Variants in NSUN6 observed in about 807,000 individuals in gnomAD.
NSUN6 encodes tRNA (cytosine(72)-C(5))-methyltransferase NSUN6.
A neutral mutation model predicts 58.0 loss-of-function variants in NSUN6; 64 were observed. The observed-to-expected ratio is 1.10, with a 90% confidence interval of 0.90 to 1.36. NSUN6 has a LOEUF of 1.36. Among genes scored for constraint, NSUN6 ranks in the 40% most tolerant of loss-of-function variants. NSUN6 has a pLI of 0.00. For missense variants in NSUN6, 701 were observed against 550.1 expected (o/e 1.27, Z -2.74); for synonymous variants, 231 against 193.9 (o/e 1.19, Z -1.59).
At chr10:18,631,075 C>G (rs2059013751) in intron 3 of NSUN6, among the ~76,000 whole-genome samples, 1 of 152,100 alleles carries the variant, frequency 6.6e-6, no homozygotes. Context: ...GGGCTTCATC[C>G]CTGGGATGCA....
At chr10:18,626,007 G>T (rs1473828108) in intron 3 of NSUN6, among the ~76,000 whole-genome samples, 3 of 152,000 alleles carry the variant, frequency 2.0e-5, no homozygotes, top group Non-Finnish European at 4.4e-5. Flanking sequence ...AAACAAAAAG[G>T]CAACAGGCAG....
chr10:18,605,484 T>C (rs1204581887), intron 6 of NSUN6, among the ~76,000 whole-genome samples: 1 of 152,090 alleles, frequency 6.6e-6, no homozygotes, highest in African/African-American at 2.4e-5. Flanking sequence ...CAGGCAAAAA[T>C]CATCAATGGA....
At chr10:18,596,488 ATT>A (rs1193538845) in intron 6 of NSUN6, among the ~76,000 whole-genome samples, 161 bp from the exon 7 acceptor site, 1 of 152,182 alleles carries the variant, frequency 6.6e-6, no homozygotes, top group Non-Finnish European at 1.5e-5. Flanking sequence ...GAAATTCACA[ATT>A]TCCTAGAATA....
At chr10:18,548,275 A>T (rs1425601806) in intron 9 of NSUN6, 38 bp from the exon 10 acceptor site, 2 of 1,556,656 alleles carry the variant, frequency 1.3e-6, no homozygotes, top group Non-Finnish European at 1.7e-6. Context: ...ACAGCACAAG[A>T]CCAGATAAAC....
intron 2 of NSUN6, among the ~76,000 whole-genome samples, chr10:18,646,914 C>A (rs1183269727): frequency 6.6e-6 from 1 of 152,158 alleles, no homozygotes; most frequent in Non-Finnish European, 1.5e-5. Context: ...TAGCTGAAAA[C>A]ATACACATGG....
rs895998847 is a variant in NSUN6 at position 18,629,242 on chromosome 10, C to T, written c.312-12949G>A. ...CACCACCAGGCCTGCCCTAAAAGAGCTCCTGAAGGAAGCACTAAACATGGA... is the reference window on the plus strand; with the variant it reads ...CACCACCAGGCCTGCCCTAAAAGAGTTCCTGAAGGAAGCACTAAACATGGA... On this transcript the variant is annotated intron_variant, in intron 3 of 10. Coordinates refer to ENST00000377304, the MANE Select transcript of NSUN6 (RefSeq NM_182543.5). Among the ~76,000 whole-genome samples the T allele has an allele frequency of 7.2e-4, 110 of 152,260 alleles. 1 individual carries two copies. Among genetic ancestry groups the T allele is most frequent in the African/African-American group, 2.6e-3 (109 of 41,544 alleles).
At chr10:18,560,204 G>T (rs2055387341) in intron 8 of NSUN6, among the ~76,000 whole-genome samples, 1 of 150,368 alleles carries the variant, frequency 6.7e-6, no homozygotes, top group Non-Finnish European at 1.5e-5. Context: ...AAAATGGAAT[G>T]GAATGGAGAA....
At chr10:18,598,063 G>T (rs1209332371) in intron 6 of NSUN6, among the ~76,000 whole-genome samples, 2 of 152,184 alleles carry the variant, frequency 1.3e-5, no homozygotes, top group Non-Finnish European at 2.9e-5. Flanking sequence ...CAAAAGAAGT[G>T]AAATTAGCTT....
chr10:18,615,365 G>A (rs541949385), intron 4 of NSUN6, among the ~76,000 whole-genome samples: 5 of 152,174 alleles, frequency 3.3e-5, no homozygotes, highest in African/African-American at 1.2e-4. Context: ...CAACAATAGC[G>A]AACAGCCTAT....
Position 18,586,076 on chromosome 10 carries a change from C to A in NSUN6, c.795G>T (p.Leu265=). The A allele has an allele frequency of 2.5e-6, 4 of 1,602,110 alleles. No individual in the cohort carries two copies. Among genetic ancestry groups the A allele is most frequent in the Non-Finnish European group, 3.4e-6 (4 of 1,175,072 alleles). The part of the protein sequence containing the change: ...LMHDQGEVIA[L]DKIFNKVEKI... ...TTTCTACTTTGTTGAAGATTTTATC[C>A]AGTGCTATAACTTCTCCCTAAAAAG... is the stretch of plus-strand genomic sequence containing the variant. The change falls in exon 8 of 11, where the codon CTG becomes CTT. Residue 265 remains leucine (L), a synonymous_variant. Coordinates refer to ENST00000377304, the MANE Select transcript of NSUN6 (RefSeq NM_182543.5).
intron 2 of NSUN6, 26 bp downstream of exon 2, chr10:18,648,464 A>T: frequency 1.3e-6 from 2 of 1,525,540 alleles, no homozygotes; most frequent in Non-Finnish European, 1.8e-6. Flanking sequence ...GTAATTATGT[A>T]CAAATGACAG....
chr10:18,608,395 G>A (rs1273694681), intron 6 of NSUN6, among the ~76,000 whole-genome samples: 3 of 152,094 alleles, frequency 2.0e-5, no homozygotes, highest in Non-Finnish European at 4.4e-5. Flanking sequence ...CAGAACTTTG[G>A]AAGGCCAAAA....
rs1451124280 is a variant in NSUN6, at chr10:18,637,510, AG to A, written c.311+4965del. Among the ~76,000 whole-genome samples the A allele has an allele frequency of 3.3e-5, 5 of 152,262 alleles. No individual in the cohort carries two copies. The East Asian group carries it at 9.6e-4, about 29-fold the overall frequency. ...AATGGCCAGTACTGGCAAGAATGAAAGCATCAAAATCTCTCATATACTGCTG... is the reference window on the plus strand; with the variant it reads ...AATGGCCAGTACTGGCAAGAATGAAACATCAAAATCTCTCATATACTGCTG... On this transcript the variant is annotated intron_variant, in intron 3 of 10. Coordinates refer to ENST00000377304, the MANE Select transcript of NSUN6 (RefSeq NM_182543.5).
At chr10:18,585,629 G>T (rs1159972825) in intron 8 of NSUN6, among the ~76,000 whole-genome samples, 1 of 152,166 alleles carries the variant, frequency 6.6e-6, no homozygotes, top group Non-Finnish European at 1.5e-5. Context: ...AAGAATAGTG[G>T]TTACCAGAGG....
chr10:18,546,155 G>C lies in NSUN6; in HGVS notation c.1198-10C>G, dbSNP rs752343064. The C allele has an allele frequency of 6.3e-7, 1 of 1,582,670 alleles. No individual in the cohort carries two copies. Among genetic ancestry groups the C allele is most frequent in the Non-Finnish European group, 8.7e-7 (1 of 1,151,390 alleles). On this transcript the variant is annotated splice_polypyrimidine_tract_variant and intron_variant, in intron 10 of 10. Coordinates refer to ENST00000377304, the MANE Select transcript of NSUN6 (RefSeq NM_182543.5). ...CTCCAATCTGCGGTTCCTGTTTGGAGAAAGTGGATCAATATGGATGAACAT... is the reference window on the plus strand; with the variant it reads ...CTCCAATCTGCGGTTCCTGTTTGGACAAAGTGGATCAATATGGATGAACAT...
intron 3 of NSUN6, among the ~76,000 whole-genome samples, chr10:18,618,885 A>T (rs1452565324): frequency 1.3e-5 from 2 of 151,890 alleles, no homozygotes; most frequent in Non-Finnish European, 2.9e-5. Context: ...ATTTTTAGAA[A>T]TTTGTTTTCA....
At chr10:18,607,190 G>C (rs1046628749) in intron 6 of NSUN6, among the ~76,000 whole-genome samples, 1 of 152,116 alleles carries the variant, frequency 6.6e-6, no homozygotes, top group Admixed American at 6.6e-5. Context: ...AGTCACTTAA[G>C]CATTCAAGTA....
chr10:18,609,551 A>C (rs1048621852), intron 6 of NSUN6, among the ~76,000 whole-genome samples: 13 of 152,172 alleles, frequency 8.5e-5, no homozygotes, highest in Admixed American at 6.5e-5. Flanking sequence ...ATGTATATCA[A>C]ATGCATGCAA....
intron 3 of NSUN6, among the ~76,000 whole-genome samples, 181 bp from the exon 4 acceptor site, chr10:18,616,474 G>T (rs937031590): frequency 6.6e-6 from 1 of 152,092 alleles, no homozygotes; most frequent in Admixed American, 6.6e-5. Flanking sequence ...CACGAAGATG[G>T]GCACTTGAGA....
Sources: gnomAD v4.1 joint callset for allele counts (sites outside exome capture counted in the v4.1 genomes callset) on GRCh38, gnomAD v4.1.1 for gene constraint, MANE v1.5 for transcripts, NCBI Gene and HGNC (gene_info 2026-07-23, HGNC 2026-07-21) for gene names.